Variants in CNTN4 observed in about 807,000 individuals in gnomAD.
The protein encoded by CNTN4 is contactin-4.
A neutral mutation model predicts 122.5 loss-of-function variants in CNTN4; 77 were observed. The ratio of observed to expected loss-of-function variants is 0.63; its 90% CI spans 0.52 to 0.76. The LOEUF (loss-of-function observed/expected upper bound fraction) is 0.76, where lower values mean the gene tolerates loss of function less well. Among genes scored for constraint, CNTN4 ranks in the 30% least tolerant of loss-of-function variants. The probability of loss-of-function intolerance (pLI) is 0.00; values close to 1 mark genes in which losing one functional copy is unlikely to be tolerated. For synonymous variants in CNTN4, 512 were observed against 447.0 expected (o/e 1.15, Z -1.83); for missense variants, 1,256 against 1,259.1 (o/e 1.00, Z 0.04).
At chr3:2,299,420 C>T (rs578050491) in intron 2 of CNTN4, among the ~76,000 whole-genome samples, 56 of 152,092 alleles carry the variant, frequency 3.7e-4, no homozygotes, top group African/African-American at 1.3e-3. Context: ...ACCCGTCACC[C>T]GAGTAGTGTA....
At chr3:2,593,162 A>G (rs372100228) in intron 4 of CNTN4, among the ~76,000 whole-genome samples, 2 of 152,352 alleles carry the variant, frequency 1.3e-5, no homozygotes, top group East Asian at 3.9e-4. Context: ...TTCTGAATGT[A>G]TGGAAACATC....
intron 6 of CNTN4, among the ~76,000 whole-genome samples, chr3:2,805,473 G>A (rs1284216223): frequency 6.6e-6 from 1 of 152,200 alleles, no homozygotes; most frequent in African/African-American, 2.4e-5. Context: ...AAATGAGAAT[G>A]TAGCTGGATA....
chr3:2,804,044 GATAT>G (rs59467735), intron 6 of CNTN4, among the ~76,000 whole-genome samples: 7 of 145,900 alleles, frequency 4.8e-5, no homozygotes, highest in South Asian at 4.4e-4. Flanking sequence ...ATTATTTAGG[GATAT>G]ATATATATAT....
chr3:2,654,758 TACAGTTAGG>T (rs1423049350), intron 4 of CNTN4, among the ~76,000 whole-genome samples: 1 of 152,144 alleles, frequency 6.6e-6, no homozygotes, highest in Non-Finnish European at 1.5e-5. Flanking sequence ...CCCTAGCAAA[TACAGTTAGG>T]AGTCCTGGAT....
intron 4 of CNTN4, among the ~76,000 whole-genome samples, chr3:2,705,873 T>C (rs1365924154): frequency 2.8e-5 from 2 of 70,884 alleles, no homozygotes; most frequent in Non-Finnish European, 4.6e-5. Flanking sequence ...ATATATAATA[T>C]ATATTTTTTA....
chr3:2,169,561 A>ACCG (rs2036361189), intron 2 of CNTN4, among the ~76,000 whole-genome samples: 1 of 150,970 alleles, frequency 6.6e-6, no homozygotes, highest in Non-Finnish European at 1.5e-5. Flanking sequence ...CGCCGCCACC[A>ACCG]CGCCCGGCTG....
At chr3:2,410,111 C>T (rs2047178105) in intron 3 of CNTN4, among the ~76,000 whole-genome samples, 1 of 152,140 alleles carries the variant, frequency 6.6e-6, no homozygotes, top group Admixed American at 6.5e-5. Flanking sequence ...AAACAGAATT[C>T]AGTGGTGCAC....
At position 3,016,714 on chromosome 3, in the gene CNTN4, T is replaced by C. The variant is rs543224044; in HGVS notation, c.1487-9388T>C. ...ACCAGGCAGATCTAATAACTTTGATTACCACCTGACTGATTGTTTCCCAAG... is the reference window on the plus strand; with the variant it reads ...ACCAGGCAGATCTAATAACTTTGATCACCACCTGACTGATTGTTTCCCAAG... On this transcript the variant is annotated intron_variant, in intron 14 of 24. Transcript: ENST00000418658. Among the ~76,000 whole-genome samples the C allele has an allele frequency of 1.2e-3, 181 of 152,294 alleles. 3 individuals carry two copies. Among genetic ancestry groups the C allele is most frequent in the African/African-American group, 4.3e-3 (177 of 41,570 alleles).
intron 14 of CNTN4, among the ~76,000 whole-genome samples, chr3:3,004,627 TA>T (rs2125433463): frequency 6.6e-6 from 1 of 152,364 alleles, no homozygotes; most frequent in South Asian, 2.1e-4. Flanking sequence ...GTAAAATTTA[TA>T]TAATAGTACC....
intron 3 of CNTN4, among the ~76,000 whole-genome samples, chr3:2,512,032 T>G (rs977158368): frequency 1.3e-5 from 2 of 152,300 alleles, no homozygotes; most frequent in East Asian, 3.9e-4. Context: ...AAAATGTAAG[T>G]AAAACTAATA....
At chr3:2,233,202 T>G (rs904310836) in intron 2 of CNTN4, among the ~76,000 whole-genome samples, 1 of 152,100 alleles carries the variant, frequency 6.6e-6, no homozygotes, top group Non-Finnish European at 1.5e-5. Flanking sequence ...TAATAATTGA[T>G]GGCCTTTTAT....
chr3:2,235,196 T>C (rs2039634778), intron 2 of CNTN4, among the ~76,000 whole-genome samples: 4 of 152,308 alleles, frequency 2.6e-5, no homozygotes. Context: ...TGAGTGATTA[T>C]TGTGAATAGT....
chr3:2,895,926 G>A (rs200352052), intron 10 of CNTN4, among the ~76,000 whole-genome samples: 17 of 152,250 alleles, frequency 1.1e-4, no homozygotes, highest in African/African-American at 3.8e-4. Flanking sequence ...CCAGCTACTC[G>A]GGAGGCTGAG....
At chr3:2,725,340 C>G (rs551349867) in intron 4 of CNTN4, among the ~76,000 whole-genome samples, 1 of 152,276 alleles carries the variant, frequency 6.6e-6, no homozygotes, top group Admixed American at 6.5e-5. Context: ...GTCCCCAAAT[C>G]TATGTAATCA....
chr3:2,171,452 G>C (rs906483162), intron 2 of CNTN4, among the ~76,000 whole-genome samples: 6 of 152,148 alleles, frequency 3.9e-5, no homozygotes. Flanking sequence ...CAAGAATTAA[G>C]GGGATGAAAT....
chr3:2,292,037 A>G (rs1158421906), intron 2 of CNTN4, among the ~76,000 whole-genome samples: 3 of 152,118 alleles, frequency 2.0e-5, no homozygotes, highest in Non-Finnish European at 4.4e-5. Flanking sequence ...CGCCTGGCGA[A>G]CTATAATATT....
intron 13 of CNTN4, among the ~76,000 whole-genome samples, chr3:2,977,577 T>A (rs1274177741): frequency 2.0e-5 from 3 of 151,960 alleles, no homozygotes; most frequent in Non-Finnish European, 4.4e-5. Context: ...GGCCAAGCCT[T>A]CTACAGGCTG....
intron 13 of CNTN4, among the ~76,000 whole-genome samples, chr3:2,948,863 A>G (rs912526327): frequency 9.9e-5 from 15 of 152,182 alleles, no homozygotes; most frequent in African/African-American, 3.6e-4. Flanking sequence ...AGAGTTTTTG[A>G]TAAGGGGTTA....
chr3:2,611,280 C>T (rs896251143), intron 4 of CNTN4, among the ~76,000 whole-genome samples: 25 of 123,294 alleles, frequency 2.0e-4, no homozygotes, highest in Non-Finnish European at 2.8e-4. Context: ...GACAAAAGTA[C>T]TCACAGCACC....
Sources: allele counts gnomAD v4.1 joint callset (sites outside exome capture counted in the v4.1 genomes callset), GRCh38; gene constraint gnomAD v4.1.1; transcripts MANE v1.5; gene names NCBI Gene and HGNC (gene_info 2026-07-23, HGNC 2026-07-21).